The following ATP1A2 variants were observed in gnomAD, a reference collection of about 807,000 sequenced individuals.
The protein encoded by ATP1A2 is sodium/potassium-transporting ATPase subunit alpha-2.
A neutral mutation model predicts 113.1 loss-of-function variants in ATP1A2; 56 were observed. The ratio of observed to expected loss-of-function variants is 0.49; its 90% CI spans 0.40 to 0.62. ATP1A2 has a LOEUF of 0.62. ATP1A2 is among the 20% of genes least tolerant of loss of function. The probability of loss-of-function intolerance (pLI) is 0.00; values close to 1 mark genes in which losing one functional copy is unlikely to be tolerated. For synonymous variants in ATP1A2, 490 were observed against 526.8 expected (o/e 0.93, Z 0.96); for missense variants, 712 against 1,357.8 (o/e 0.52, Z 7.47).
chr1:160,127,154 AAG>A (rs1651611991), intron 7 of ATP1A2, among the ~76,000 whole-genome samples: 1 of 152,244 alleles, frequency 6.6e-6, no homozygotes, highest in Non-Finnish European at 1.5e-5. Context: ...AATGTTGAGA[AAG>A]AAAATCTTAA....
intron 13 of ATP1A2, among the ~76,000 whole-genome samples, chr1:160,131,846 A>G (rs1651785557): frequency 6.6e-6 from 1 of 151,806 alleles, no homozygotes; most frequent in Non-Finnish European, 1.5e-5. Context: ...AAAAAAAAAA[A>G]GTAAAACAAA....
intron 18 of ATP1A2, 58 bp downstream of exon 18, chr1:160,136,428 C>G: frequency 1.2e-6 from 2 of 1,612,662 alleles, no homozygotes; most frequent in Non-Finnish European, 1.7e-6. Context: ...TCCCAGCTTT[C>G]AGAGGAATGA....
In ATP1A2 at chr1:160,130,222, G is replaced by A. The variant is rs374501280; in HGVS notation, c.1582G>A (p.Asp528Asn). ...ILVQGKEIPL[D>N]KEMQDAFQNA... is the part of the protein sequence containing the mutation. Reference sequence around the variant, plus strand: ...GGTGCAGGGCAAGGAGATCCCGCTCGACAAGGAGATGCAAGATGCCTTTCA... The same window carrying A: ...GGTGCAGGGCAAGGAGATCCCGCTCAACAAGGAGATGCAAGATGCCTTTCA... The change falls in exon 12 of 23, where the codon GAC (aspartate) becomes AAC (asparagine). Residue 528 changes from aspartate to asparagine, a missense_variant. Asp to Asn is a conservative substitution (Grantham distance 23). Coordinates refer to ENST00000361216, the MANE Select transcript of ATP1A2 (RefSeq NM_000702.4). 176 of 1,614,068 alleles carry A rather than the reference G, an allele frequency of 1.1e-4. No homozygotes were observed. The highest frequency in any genetic ancestry group is 1.3e-4 in the Non-Finnish European group (151 of 1,180,042).
At chr1:160,125,039 C>T (rs190859673) in intron 6 of ATP1A2, 97 bp from the exon 7 acceptor site, 9 of 944,660 alleles carry the variant, frequency 9.5e-6, no homozygotes, top group Admixed American at 1.8e-5. Flanking sequence ...TTCCTCGTGT[C>T]ATGAAGATTG....
At chr1:160,140,476 G>C (rs999923999) in intron 22 of ATP1A2, among the ~76,000 whole-genome samples, 5 of 152,072 alleles carry the variant, frequency 3.3e-5, no homozygotes, top group Admixed American at 1.3e-4. Flanking sequence ...ACCAAATACT[G>C]TCCAGGAATA....
intron 8 of ATP1A2, 45 bp downstream of exon 8, chr1:160,127,865 C>T (rs764047475): frequency 1.3e-6 from 2 of 1,542,804 alleles, no homozygotes; most frequent in East Asian, 2.3e-5. Context: ...GGTCTCACTA[C>T]TCTTTCCTCA....
intron 11 of ATP1A2, 54 bp from the exon 12 acceptor site, chr1:160,130,048 C>A: frequency 6.2e-7 from 1 of 1,608,370 alleles, no homozygotes. Context: ...CTGCTCTATG[C>A]CGCGCTACCA....
chr1:160,131,583 G>A (rs150826971), intron 13 of ATP1A2, among the ~76,000 whole-genome samples: 1 of 152,136 alleles, frequency 6.6e-6, no homozygotes, highest in African/African-American at 2.4e-5. Context: ...CAGCACTTTG[G>A]GGGGGTCCAA....
rs1652195939 is a variant in ATP1A2, at chr1:160,142,877, A to C, written c.*1555A>C. ...GTTCCCTCCAGGCAAATGCCCTTCA[A>C]ACCGACGATCATTGTGCCCACTTAC... On this transcript the variant is annotated 3_prime_UTR_variant, in exon 23 of 23. Coordinates refer to ENST00000361216, the MANE Select transcript of ATP1A2 (RefSeq NM_000702.4). 1 of 152,196 alleles carries C rather than the reference A, an allele frequency of 6.6e-6. No individual in the cohort carries two copies. Among genetic ancestry groups the C allele is most frequent in the African/African-American group, 2.4e-5 (1 of 41,442 alleles). The allele number at this position is 152,196 out of a possible 1,614,324, so 9.4% of individuals were successfully genotyped here.
chr1:160,139,912 G>A lies in ATP1A2; in HGVS notation c.2962G>A (p.Ala988Thr). Residue 988 changes from alanine (A) to threonine (T), a missense_variant, in exon 22 of 23, where the codon GCC becomes ACC. Ala to Thr is a moderately conservative substitution (Grantham distance 58). Transcript: ENST00000361216. ...YPLKVTWWFC[A>T]FPYSLLIFIY... The stretch of plus-strand genomic sequence containing the variant: ...TTTCAGAGTCACCTGGTGGTTCTGC[G>A]CCTTCCCCTACAGCCTCCTCATCTT... 1.2e-6 allele frequency: 2 copies of A among 1,613,970 alleles called. No homozygotes were observed. The highest frequency in any genetic ancestry group is 1.1e-5 in the South Asian group (1 of 91,060).
At chr1:160,123,876 C>G in intron 4 of ATP1A2, 67 bp from the exon 5 acceptor site, 1 of 1,421,834 alleles carries the variant, frequency 7.0e-7, no homozygotes. Flanking sequence ...CTGCTCATCC[C>G]AAGTGGCAGC....
intron 21 of ATP1A2, 36 bp downstream of exon 21, chr1:160,139,777 CG>C (rs763925859): frequency 6.2e-7 from 1 of 1,612,556 alleles, no homozygotes; most frequent in Non-Finnish European, 8.5e-7. Flanking sequence ...AGTAGTCATA[CG>C]GGGGGCCTTC....
chr1:160,130,057 C>T, intron 11 of ATP1A2, 45 bp from the exon 12 acceptor site: 1 of 1,612,680 alleles, frequency 6.2e-7, no homozygotes, highest in African/African-American at 1.3e-5. Context: ...GCCGCGCTAC[C>T]AAGACAAGTA....
intron 11 of ATP1A2, 131 bp downstream of exon 11, chr1:160,129,531 C>T (rs779199418): frequency 4.2e-5 from 58 of 1,393,696 alleles, no homozygotes; most frequent in Non-Finnish European, 5.5e-5. Context: ...CTGCTAAGTC[C>T]CCCAGGACAG....
rs1651723270 is a variant in ATP1A2, at chr1:160,130,130, C to A, written c.1490C>A (p.Pro497His). The change falls in exon 12 of 23, where the codon CCC becomes CAC. Residue 497 changes from proline (P) to histidine (H), a missense_variant. By Grantham distance (77) the Pro-to-His change is moderately conservative. Coordinates refer to ENST00000361216, the MANE Select transcript of ATP1A2 (RefSeq NM_000702.4). ...TCTATCCACGAGCGAGAAGACAGCC[C>A]CCAGAGCCACGTGCTGGTGATGAAG... is the stretch of plus-strand genomic sequence containing the variant. ...QLSIHEREDS[P>H]QSHVLVMKGA... 1 of 1,614,094 alleles carries A rather than the reference C, an allele frequency of 6.2e-7. No homozygotes were observed. Among genetic ancestry groups the A allele is most frequent in the South Asian group, 1.1e-5 (1 of 91,090 alleles).
At position 160,134,167 on chromosome 1, in the gene ATP1A2, CCA is replaced by C. The variant is rs200274327; in HGVS notation, c.1828-306_1828-305del. ...CATACCCCACACACACACACACATCCCACACACACACATTCCCTCTCACACAC... is the reference window on the plus strand; with the variant it reads ...CATACCCCACACACACACACACATCCCACACACACATTCCCTCTCACACAC... On this transcript the variant is annotated intron_variant, in intron 13 of 22. Coordinates refer to ENST00000361216, the MANE Select transcript of ATP1A2 (RefSeq NM_000702.4). Among the ~76,000 whole-genome samples the C allele has an allele frequency of 2.6e-3, 377 of 143,762 alleles. 3 individuals carry two copies. The highest frequency in any genetic ancestry group is 4.8e-3 in the Non-Finnish European group (313 of 65,090). The allele number at this position is 143,762 out of a possible 152,430, so 94.3% of individuals were successfully genotyped here.
At chr1:160,136,017 G>T in intron 17 of ATP1A2, 24 bp downstream of exon 17, 1 of 1,614,122 alleles carries the variant, frequency 6.2e-7, no homozygotes, top group Non-Finnish European at 8.5e-7. Flanking sequence ...GTGGAGGAGG[G>T]GACAGGCAAG....
rs538086614 is a variant in ATP1A2, at chr1:160,142,649, C to CA, written c.*1333dup. 2.1e-3 allele frequency: 325 copies of CA among 152,172 alleles called. 2 individuals carry two copies. The highest frequency in any genetic ancestry group is 2.3e-3 in the Non-Finnish European group (154 of 68,060). The allele number at this position is 152,172 out of a possible 1,614,324, so 9.4% of individuals were successfully genotyped here. On this transcript the variant is annotated 3_prime_UTR_variant, in exon 23 of 23. Coordinates refer to ENST00000361216, the MANE Select transcript of ATP1A2 (RefSeq NM_000702.4). ...TGAAACCCTGTCTCTACTAAAAGTA[C>CA]AAAAAATTAGCCAGTCATGGTGGCA...
intron 1 of ATP1A2, among the ~76,000 whole-genome samples, chr1:160,118,838 T>G (rs1321806274): frequency 6.6e-6 from 1 of 152,048 alleles, no homozygotes; most frequent in Non-Finnish European, 1.5e-5. Context: ...GGCGACCTCT[T>G]ATGAACAAGG....
Sources: gnomAD v4.1 joint callset for allele counts (sites outside exome capture counted in the v4.1 genomes callset) on GRCh38, gnomAD v4.1.1 for gene constraint, MANE v1.5 for transcripts, NCBI Gene and HGNC (gene_info 2026-07-23, HGNC 2026-07-21) for gene names.